Variants in POFUT3 observed in about 807,000 individuals in gnomAD.
POFUT3 encodes GDP-fucose protein O-fucosyltransferase 3.
At chr8:33,450,919 G>A in the POFUT3 span, among the ~76,000 whole-genome samples, 4 of 151,992 alleles carry the variant, frequency 2.6e-5, no homozygotes, top group African/African-American at 4.8e-5. Context: ...AGACATTTAC[G>A]TTCCCACTTC....
At chr8:33,465,925 ATT>A in the POFUT3 span, among the ~76,000 whole-genome samples, 1 of 152,188 alleles carries the variant, frequency 6.6e-6, no homozygotes, top group Non-Finnish European at 1.5e-5. Context: ...AAAAGATACA[ATT>A]TGAGGACAGA....
chr8:33,372,328 C>T, the POFUT3 span: 2 of 1,241,046 alleles, frequency 1.6e-6, no homozygotes, highest in Non-Finnish European at 2.0e-6. Flanking sequence ...TGTGGGTCCA[C>T]AGACACGGAC....
chr8:33,393,872 G>C, the POFUT3 span, among the ~76,000 whole-genome samples: 1 of 152,234 alleles, frequency 6.6e-6, no homozygotes, highest in African/African-American at 2.4e-5. Context: ...AAGTGCTTCT[G>C]CAGAATGCTC....
At chr8:33,439,473 G>A in the POFUT3 span, among the ~76,000 whole-genome samples, 7 of 152,096 alleles carry the variant, frequency 4.6e-5, no homozygotes, top group Non-Finnish European at 1.0e-4. Context: ...GAAAGTCAGA[G>A]GTATCTTTTT....
At chr8:33,442,652 G>T in the POFUT3 span, among the ~76,000 whole-genome samples, 88,308 of 150,336 alleles carry the variant, frequency 0.59, 26,187 homozygotes, top group African/African-American at 0.63. Context: ...TGAGATGTGG[G>T]TCTCTCTGTA....
the POFUT3 span, among the ~76,000 whole-genome samples, chr8:33,342,010 C>T: frequency 7.6e-4 from 116 of 152,122 alleles, no homozygotes; most frequent in African/African-American, 2.6e-3. Flanking sequence ...GGTGAAACCC[C>T]ACTCTACTAA....
At chr8:33,455,775 T>C in the POFUT3 span, 1 of 455,898 alleles carries the variant, frequency 2.2e-6, no homozygotes, top group East Asian at 7.0e-5. Flanking sequence ...GTTACCTCTT[T>C]TATGTGCTCG....
At chr8:33,353,351 G>T in the POFUT3 span, among the ~76,000 whole-genome samples, 1 of 152,316 alleles carries the variant, frequency 6.6e-6, no homozygotes, top group East Asian at 1.9e-4. Flanking sequence ...GAAACAGTCA[G>T]TTTGGCTGAA....
the POFUT3 span, among the ~76,000 whole-genome samples, chr8:33,317,527 C>G: frequency 2.0e-5 from 3 of 152,076 alleles, no homozygotes; most frequent in African/African-American, 7.2e-5. Flanking sequence ...TAGGCCAAAC[C>G]AACGTATAAC....
chr8:33,465,037 T>C, the POFUT3 span, among the ~76,000 whole-genome samples: 2 of 152,164 alleles, frequency 1.3e-5, no homozygotes, highest in African/African-American at 4.8e-5. Flanking sequence ...TTTTACTTAA[T>C]ATAAATTTAG....
At chr8:33,315,678 C>T in the POFUT3 span, among the ~76,000 whole-genome samples, 2 of 152,082 alleles carry the variant, frequency 1.3e-5, no homozygotes, top group Non-Finnish European at 2.9e-5. Flanking sequence ...AGTTTTATTG[C>T]TTGTTCCAGC....
At chr8:33,359,600 A>G in the POFUT3 span, among the ~76,000 whole-genome samples, 1 of 152,208 alleles carries the variant, frequency 6.6e-6, no homozygotes, top group Non-Finnish European at 1.5e-5. Flanking sequence ...ACTATTGGCA[A>G]ATCTTAACTA....
At chr8:33,379,864 T>C in the POFUT3 span, among the ~76,000 whole-genome samples, 1 of 124,062 alleles carries the variant, frequency 8.1e-6, no homozygotes, top group African/African-American at 3.2e-5. Context: ...TATATATATA[T>C]AATATATATA....
chr8:33,379,195 G>A, the POFUT3 span, among the ~76,000 whole-genome samples: 39 of 152,160 alleles, frequency 2.6e-4, no homozygotes, highest in Admixed American at 5.9e-4. Flanking sequence ...GCAGAACTGT[G>A]AGTCAATTAA....
chr8:33,389,613 T>C, the POFUT3 span: 3 of 1,614,126 alleles, frequency 1.9e-6, no homozygotes, highest in Non-Finnish European at 2.5e-6. Context: ...ACTTCAATGC[T>C]CTCCAAGTAT....
the POFUT3 span, among the ~76,000 whole-genome samples, chr8:33,333,171 C>G: frequency 6.6e-6 from 1 of 152,132 alleles, no homozygotes. Context: ...TAGGGGTCAG[C>G]CCAGAAGGCT....
At chr8:33,357,512 GTA>G in the POFUT3 span, among the ~76,000 whole-genome samples, 4 of 140,604 alleles carry the variant, frequency 2.8e-5, no homozygotes, top group South Asian at 2.5e-4. Flanking sequence ...ATATATATAT[GTA>G]TGTGTGTGTG....
At chr8:33,336,051 G>A in the POFUT3 span, among the ~76,000 whole-genome samples, 1 of 152,142 alleles carries the variant, frequency 6.6e-6, no homozygotes, top group African/African-American at 2.4e-5. Context: ...CTGTCGTGTT[G>A]AATACTGAAA....
At chr8:33,356,746 C>A in the POFUT3 span, among the ~76,000 whole-genome samples, 2 of 152,176 alleles carry the variant, frequency 1.3e-5, no homozygotes, top group East Asian at 1.9e-4. Flanking sequence ...AGTCCTTGCC[C>A]ATGCCTATGT....
Sources: allele counts gnomAD v4.1 joint callset (sites outside exome capture counted in the v4.1 genomes callset), GRCh38; gene constraint gnomAD v4.1.1; transcripts MANE v1.5; gene names NCBI Gene and HGNC (gene_info 2026-07-23, HGNC 2026-07-21).